Variants in PALM2AKAP2 observed in about 807,000 individuals in gnomAD.
The protein encoded by PALM2AKAP2 is PALM2 and AKAP2 fusion.
A neutral mutation model predicts 71.5 loss-of-function variants in PALM2AKAP2; 37 were observed. That is an observed-to-expected ratio of 0.52 (90% CI 0.40 to 0.68). PALM2AKAP2 has a LOEUF of 0.68. PALM2AKAP2 is among the 30% of genes least tolerant of loss of function. The probability of loss-of-function intolerance (pLI) is 0.00; values close to 1 mark genes in which losing one functional copy is unlikely to be tolerated. For synonymous variants in PALM2AKAP2, 468 were observed against 478.8 expected, an observed-to-expected ratio of 0.98 and a Z score of 0.29; for missense variants, 1,224 against 1,191.8, an observed-to-expected ratio of 1.03 and a Z score of -0.40.
intron 3 of PALM2AKAP2, among the ~76,000 whole-genome samples, chr9:109,885,477 T>C (rs117418921): frequency 0.025 from 3,817 of 152,250 alleles, 75 homozygotes; most frequent in Non-Finnish European, 0.036. Context: ...TCCAGATAAT[T>C]CTGTTGTATG....
chr9:110,045,944 A>C (rs987874395), upstream of PALM2AKAP2, among the ~76,000 whole-genome samples: 1 of 151,982 alleles, frequency 6.6e-6, no homozygotes, highest in Non-Finnish European at 1.5e-5. Flanking sequence ...AGATATCTCA[A>C]CCTCAGCATT....
At chr9:109,758,581 T>C (rs1236104640) in intron 1 of PALM2AKAP2, among the ~76,000 whole-genome samples, 1 of 150,250 alleles carries the variant, frequency 6.7e-6, no homozygotes, top group Non-Finnish European at 1.5e-5. Flanking sequence ...TTTCTTTAAA[T>C]AATAATGTAT....
intron 1 of PALM2AKAP2, among the ~76,000 whole-genome samples, chr9:109,721,042 G>T (rs1349007216): frequency 6.6e-6 from 1 of 152,174 alleles, no homozygotes; most frequent in Non-Finnish European, 1.5e-5. Context: ...CAAGAATCCT[G>T]TGTCTTCCTA....
At chr9:109,878,502 A>T (rs1410828296) in intron 2 of PALM2AKAP2, among the ~76,000 whole-genome samples, 1 of 152,198 alleles carries the variant, frequency 6.6e-6, no homozygotes, top group Non-Finnish European at 1.5e-5. Context: ...ATCTCTACAA[A>T]CAATGATTTG....
chr9:109,695,285 T>C (rs1252816159), intron 1 of PALM2AKAP2, among the ~76,000 whole-genome samples: 7 of 152,214 alleles, frequency 4.6e-5, no homozygotes, highest in African/African-American at 1.7e-4. Flanking sequence ...GTCCCTTCTA[T>C]AACTGATTTC....
intron 1 of PALM2AKAP2, among the ~76,000 whole-genome samples, chr9:109,830,355 T>C (rs1408817593): frequency 6.6e-6 from 1 of 152,134 alleles, no homozygotes; most frequent in Non-Finnish European, 1.5e-5. Flanking sequence ...AAACATGTTT[T>C]GTATGTGCCT....
At position 109,816,815 on chromosome 9, in the gene PALM2AKAP2, T is replaced by C. The variant is rs1437214345; in HGVS notation, c.45+36282T>C. 1.1e-4 allele frequency among the ~76,000 whole-genome samples: 17 copies of C among 151,810 alleles called. No individual in the cohort carries two copies. In the East Asian group the frequency reaches 3.3e-3, roughly 29 times the overall value. On this transcript the variant is annotated intron_variant, in intron 1 of 9. Transcript: ENST00000302798. ...GACTTTTTCCATGAGGGCAGAGGAG[T>C]CATGGTCTGGAAATGACATGAAGGA...
intron 2 of PALM2AKAP2, among the ~76,000 whole-genome samples, chr9:110,149,132 G>A (rs1297578328): frequency 2.6e-5 from 4 of 152,232 alleles, no homozygotes; most frequent in South Asian, 2.1e-4. Flanking sequence ...GGACCACAGA[G>A]TGGTATAACT....
intron 1 of PALM2AKAP2, among the ~76,000 whole-genome samples, chr9:109,798,633 G>T (rs141865219): frequency 1.0e-3 from 157 of 152,282 alleles, no homozygotes; most frequent in African/African-American, 3.7e-3. Flanking sequence ...TACATCACAG[G>T]AGTTCAAAAT....
At chr9:110,067,723 A>T (rs1376762603) in intron 1 of PALM2AKAP2, among the ~76,000 whole-genome samples, 1 of 152,222 alleles carries the variant, frequency 6.6e-6, no homozygotes, top group Non-Finnish European at 1.5e-5. Context: ...TCTGTTTACT[A>T]GTATGAATGA....
intron 6 of PALM2AKAP2, among the ~76,000 whole-genome samples, chr9:109,994,036 A>G (rs1481710868): frequency 6.6e-6 from 1 of 152,174 alleles, no homozygotes. Context: ...TGGGCTGGCA[A>G]ATACTGAACT....
chr9:109,843,225 C>G (rs1303055718), intron 1 of PALM2AKAP2, among the ~76,000 whole-genome samples: 2 of 146,640 alleles, frequency 1.4e-5, no homozygotes, highest in East Asian at 2.0e-4. Flanking sequence ...TCACCTGAGC[C>G]CAGGACTTTG....
chr9:109,749,805 A>G (rs143338588), intron 1 of PALM2AKAP2, among the ~76,000 whole-genome samples: 2 of 152,298 alleles, frequency 1.3e-5, no homozygotes, highest in African/African-American at 4.8e-5. Context: ...TCAGAGGCTA[A>G]TAAGTTCTAG....
intron 1 of PALM2AKAP2, among the ~76,000 whole-genome samples, chr9:109,689,355 A>C (rs1827849584): frequency 4.6e-5 from 7 of 151,852 alleles, no homozygotes; most frequent in Admixed American, 4.6e-4. Context: ...GGCGCCCACC[A>C]TGCCCAGCTA....
chr9:110,113,577 G>A (rs1203818950), intron 1 of PALM2AKAP2, among the ~76,000 whole-genome samples: 2 of 151,242 alleles, frequency 1.3e-5, no homozygotes, highest in Admixed American at 1.3e-4. Context: ...AGGCTGGAGT[G>A]TAGTGGCACA....
intron 1 of PALM2AKAP2, among the ~76,000 whole-genome samples, chr9:109,745,797 G>C (rs975532613): frequency 6.6e-6 from 1 of 152,128 alleles, no homozygotes; most frequent in Non-Finnish European, 1.5e-5. Flanking sequence ...TTACGCAATG[G>C]TCTGGGTTGC....
intron 2 of PALM2AKAP2, among the ~76,000 whole-genome samples, chr9:109,869,614 A>G (rs553939044): frequency 7.3e-6 from 1 of 136,628 alleles, no homozygotes; most frequent in South Asian, 2.3e-4. Flanking sequence ...CTGGGATTGC[A>G]TATTCATTTT....
At chr9:109,739,503 A>C (rs949850636) in intron 1 of PALM2AKAP2, among the ~76,000 whole-genome samples, 18 of 152,186 alleles carry the variant, frequency 1.2e-4, no homozygotes, top group African/African-American at 4.3e-4. Flanking sequence ...AAGAGTTAGA[A>C]AGGGATCTTA....
Position 110,135,164 on chromosome 9 carries a change from A to AAAAAAAAAAAAT in PALM2AKAP2, c.157-962_157-961insAAAAAAAAAATA. On this transcript the variant is annotated intron_variant, in intron 1 of 3. Transcript: ENST00000374525. ...AACTCTGTCTCTACAAAAAAAAAAAAATATATAAATATATATATATATATA... is the reference window on the plus strand; with the variant it reads ...AACTCTGTCTCTACAAAAAAAAAAAAAAAAAAAAAAATATATATAAATATATATATATATATA... Among the ~76,000 whole-genome samples, 47 of 51,700 alleles carry AAAAAAAAAAAAT rather than the reference A, an allele frequency of 9.1e-4. 7 individuals are homozygous for AAAAAAAAAAAAT. Among genetic ancestry groups the AAAAAAAAAAAAT allele is most frequent in the African/African-American group, 2.6e-3 (36 of 13,608 alleles). The allele number at this position is 51,700 out of a possible 152,430, so 33.9% of individuals were successfully genotyped here.
Sources: gnomAD v4.1 joint callset for allele counts (sites outside exome capture counted in the v4.1 genomes callset) on GRCh38, gnomAD v4.1.1 for gene constraint, MANE v1.5 for transcripts, NCBI Gene and HGNC (gene_info 2026-07-23, HGNC 2026-07-21) for gene names.